The following ANKRD30A variants were observed in gnomAD, a reference collection of about 807,000 sequenced individuals.
The protein encoded by ANKRD30A is ankyrin repeat domain-containing protein 30A.
ANKRD30A carries 170 observed loss-of-function variants against 166.3 expected under a neutral mutation model. The observed-to-expected ratio is 1.02, with a 90% CI of 0.90 to 1.16. The LOEUF (loss-of-function observed/expected upper bound fraction) is 1.16. ANKRD30A is among the 50% of genes most tolerant of loss of function. The pLI is 0.00. For synonymous variants in ANKRD30A, 564 were observed against 508.9 expected (o/e 1.11, Z -1.46); for missense variants, 1,630 against 1,518.0 (o/e 1.07, Z -1.23).
chr10:37,195,102 G>A (rs183550725), intron 27 of ANKRD30A, among the ~76,000 whole-genome samples: 5 of 152,124 alleles, frequency 3.3e-5, no homozygotes, highest in Admixed American at 1.3e-4. Context: ...TTAGGCCCCC[G>A]GTGTATTTGT....
chr10:37,189,787 C>T (rs1400878981), intron 25 of ANKRD30A, among the ~76,000 whole-genome samples: 8 of 149,936 alleles, frequency 5.3e-5, no homozygotes, highest in East Asian at 2.0e-4. Context: ...TATTCCAAGA[C>T]GTGAGGAAAA....
intron 31 of ANKRD30A, among the ~76,000 whole-genome samples, chr10:37,209,166 A>T (rs1046322552): frequency 1.3e-5 from 2 of 152,114 alleles, no homozygotes; most frequent in Non-Finnish European, 2.9e-5. Flanking sequence ...TAATAATATC[A>T]TCTGGTTTTG....
At chr10:37,199,827 CATG>C (rs1446430820) in intron 30 of ANKRD30A, 39 bp downstream of exon 30, 1 of 1,252,570 alleles carries the variant, frequency 8.0e-7, no homozygotes, top group Admixed American at 2.1e-5. Context: ...ATTAGTATTG[CATG>C]ATATGAAAAC....
chr10:37,164,612 G>A (rs1162648600), intron 17 of ANKRD30A, among the ~76,000 whole-genome samples: 1 of 152,118 alleles, frequency 6.6e-6, no homozygotes, highest in Non-Finnish European at 1.5e-5. Flanking sequence ...TGGAAATATA[G>A]TTGACTGACA....
intron 31 of ANKRD30A, among the ~76,000 whole-genome samples, chr10:37,207,004 A>C (rs2132709858): frequency 6.6e-6 from 1 of 152,258 alleles, no homozygotes; most frequent in East Asian, 1.9e-4. Context: ...CAATATTGAA[A>C]GTTTTTTATA....
At chr10:37,224,198 T>C (rs1843022849) in intron 34 of ANKRD30A, among the ~76,000 whole-genome samples, 1 of 151,336 alleles carries the variant, frequency 6.6e-6, no homozygotes, top group Non-Finnish European at 1.5e-5. Context: ...CTACTTTGAA[T>C]TTTTATTTCT....
chr10:37,256,566 A>C, the ANKRD30A span, among the ~76,000 whole-genome samples: 2 of 152,230 alleles, frequency 1.3e-5, no homozygotes, highest in Non-Finnish European at 2.9e-5. Context: ...CCCAGCATAA[A>C]ATAGACTGTA....
the ANKRD30A span, among the ~76,000 whole-genome samples, chr10:37,247,956 A>G: frequency 6.6e-6 from 1 of 151,848 alleles, no homozygotes. Context: ...TAATCTGTAC[A>G]GCAAACCCCC....
the ANKRD30A span, among the ~76,000 whole-genome samples, chr10:37,249,921 A>C: frequency 0.1 from 15,449 of 152,282 alleles, 865 homozygotes; most frequent in Middle Eastern, 0.13. Flanking sequence ...GAGTAGTAGA[A>C]GGAAAACTAC....
chr10:37,145,175 A>G, intron 8 of ANKRD30A, 119 bp downstream of exon 8: 3 of 749,444 alleles, frequency 4.0e-6, no homozygotes, highest in Non-Finnish European at 4.2e-6. Context: ...AGAAATTCTG[A>G]TATTTCTAAA....
downstream of ANKRD30A, among the ~76,000 whole-genome samples, chr10:37,237,024 G>T (rs1843698715): frequency 6.6e-6 from 1 of 152,078 alleles, no homozygotes; most frequent in South Asian, 2.1e-4. Flanking sequence ...CTAATTTTAG[G>T]ATTCACAATT....
the ANKRD30A span, among the ~76,000 whole-genome samples, chr10:37,242,926 A>G: frequency 6.6e-6 from 1 of 152,130 alleles, no homozygotes; most frequent in African/African-American, 2.4e-5. Context: ...CTGCATTTTT[A>G]TGCTTGTTTA....
downstream of ANKRD30A, among the ~76,000 whole-genome samples, chr10:37,236,694 G>T (rs2765819): frequency 0.18 from 27,143 of 152,190 alleles, 3,083 homozygotes; most frequent in Admixed American, 0.26. Flanking sequence ...GTCTTTGTGT[G>T]TACCAATTAA....
At chr10:37,218,126 A>C (rs1842698634) in intron 33 of ANKRD30A, among the ~76,000 whole-genome samples, 1 of 150,934 alleles carries the variant, frequency 6.6e-6, no homozygotes, top group South Asian at 2.1e-4. Flanking sequence ...GTGATAATTT[A>C]TTGGTAAGTA....
chr10:37,158,979 G>A (rs1484091777), intron 15 of ANKRD30A, among the ~76,000 whole-genome samples: 1 of 152,118 alleles, frequency 6.6e-6, no homozygotes, highest in Non-Finnish European at 1.5e-5. Context: ...TGTGAGTGTT[G>A]CCACTCAGAG....
intron 18 of ANKRD30A, among the ~76,000 whole-genome samples, chr10:37,166,335 G>A (rs1409517269): frequency 6.6e-6 from 1 of 152,312 alleles, no homozygotes; most frequent in Non-Finnish European, 1.5e-5. Flanking sequence ...AAATATGCAC[G>A]AGTGAATTTT....
intron 6 of ANKRD30A, among the ~76,000 whole-genome samples, chr10:37,140,701 C>A (rs981577662): frequency 6.6e-6 from 1 of 152,098 alleles, no homozygotes; most frequent in African/African-American, 2.4e-5. Context: ...TAGCTTAACT[C>A]TAGGCTCAAC....
At chr10:37,260,408 A>T in the ANKRD30A span, among the ~76,000 whole-genome samples, 1 of 152,124 alleles carries the variant, frequency 6.6e-6, no homozygotes. Flanking sequence ...GTTTTAAGTC[A>T]GTGGCCATAT....
chr10:37,233,429 G>A (rs1406704173), downstream of ANKRD30A, among the ~76,000 whole-genome samples: 1 of 152,084 alleles, frequency 6.6e-6, no homozygotes, highest in African/African-American at 2.4e-5. Flanking sequence ...ATCAGCTCAT[G>A]TATTATTTTA....
Sources: allele counts gnomAD v4.1 joint callset (sites outside exome capture counted in the v4.1 genomes callset), GRCh38; gene constraint gnomAD v4.1.1; transcripts MANE v1.5; gene names NCBI Gene and HGNC (gene_info 2026-07-23, HGNC 2026-07-21).